The following ASXL3 variants were observed in gnomAD, a reference collection of about 807,000 sequenced individuals.
ASXL3 encodes the protein putative Polycomb group protein ASXL3.
In ASXL3, 34 loss-of-function variants were observed where a neutral mutation model predicts 170.6. That is an observed-to-expected ratio of 0.20 (90% CI 0.15 to 0.27). The LOEUF (loss-of-function observed/expected upper bound fraction) is 0.27. Among genes scored for constraint, ASXL3 ranks in the 10% least tolerant of loss-of-function variants. The pLI, the probability that ASXL3 is intolerant of heterozygous loss-of-function variation, is 1.00. For synonymous variants in ASXL3, 1,002 were observed against 989.1 expected (o/e 1.01, Z -0.24); for missense variants, 2,592 against 2,695.3 (o/e 0.96, Z 0.85).
At chr18:33,700,450 CA>C (rs11308315) in intron 8 of ASXL3, among the ~76,000 whole-genome samples, 11,564 of 151,742 alleles carry the variant, frequency 0.076, 1,054 homozygotes, top group African/African-American at 0.22. Context: ...ACCACAGGTT[CA>C]TTTTTTTTTT....
chr18:33,641,444 G>A (rs977177708), intron 2 of ASXL3, among the ~76,000 whole-genome samples: 2 of 152,072 alleles, frequency 1.3e-5, no homozygotes, highest in Non-Finnish European at 2.9e-5. Context: ...CCTGGCAGGT[G>A]TATAGGAAAG....
intron 7 of ASXL3, among the ~76,000 whole-genome samples, chr18:33,675,830 C>T (rs2066416197): frequency 6.6e-6 from 1 of 151,896 alleles, no homozygotes; most frequent in Admixed American, 6.6e-5. Context: ...GCTCAGCTTC[C>T]CTAGAGAGGG....
intron 2 of ASXL3, among the ~76,000 whole-genome samples, chr18:33,636,349 CACA>C (rs1271705372): frequency 9.8e-5 from 4 of 40,696 alleles, no homozygotes; most frequent in Non-Finnish European, 1.5e-4. Context: ...CAACAACAGC[CACA>C]ACAACAGCCA....
Position 33,706,752 on chromosome 18 carries a change from G to A in ASXL3, c.879+23184G>A, listed in dbSNP as rs116641349. ...AAGTCCTTTGTCAAATATATTGTTGGTATCTTCTTATGTTGTGGTTTGTCT... is the reference window on the plus strand; with the variant it reads ...AAGTCCTTTGTCAAATATATTGTTGATATCTTCTTATGTTGTGGTTTGTCT... On this transcript the variant is annotated intron_variant, in intron 8 of 11. Coordinates refer to ENST00000269197, the MANE Select transcript of ASXL3 (RefSeq NM_030632.3). Among the ~76,000 whole-genome samples, 345 of 151,584 alleles carry A rather than the reference G, an allele frequency of 2.3e-3. 3 individuals carry two copies. Among genetic ancestry groups the A allele is most frequent in the African/African-American group, 8.0e-3 (333 of 41,454 alleles).
intron 8 of ASXL3, among the ~76,000 whole-genome samples, chr18:33,686,507 C>G (rs917967060): frequency 6.6e-6 from 1 of 152,172 alleles, no homozygotes; most frequent in Non-Finnish European, 1.5e-5. Flanking sequence ...AGAGAGGATG[C>G]TTAAGTTGAA....
rs370020053 is a variant in ASXL3 at position 33,744,495 on chromosome 18, T to C, written c.4647T>C (p.Ser1549=). The change falls in exon 12 of 12, where the codon AGT becomes AGC. Residue 1549 remains serine, a synonymous_variant. Transcript: ENST00000269197. The part of the protein sequence containing the change: ...FIAASAAKQD[S]KTLPATCTSL... ...CTGCTTCGGCAGCAAAACAAGACAG[T>C]AAAACATTGCCGGCCACCTGCACAA... The C allele has an allele frequency of 4.3e-6, 7 of 1,612,682 alleles. No individual in the cohort carries two copies. The highest frequency in any genetic ancestry group is 2.7e-5 in the African/African-American group (2 of 74,912).
intron 5 of ASXL3, among the ~76,000 whole-genome samples, chr18:33,669,950 C>T (rs191599212): frequency 2.0e-5 from 3 of 152,252 alleles, no homozygotes; most frequent in Middle Eastern, 6.8e-3. Context: ...TTATCATCAC[C>T]GTGGTCGATT....
chr18:33,590,113 T>G (rs1004912668), intron 1 of ASXL3, among the ~76,000 whole-genome samples: 33 of 141,890 alleles, frequency 2.3e-4, no homozygotes, highest in African/African-American at 9.0e-4. Context: ...CTTTCTATGT[T>G]TTTTTTTTTT....
rs1401754045 is a variant in ASXL3, at chr18:33,661,636, G to A, written c.376G>A (p.Asp126Asn). ...TCTAGTTTGTTCGAAGCAGGTAACT[G>A]ATGAAGCATCTTCCACTCGAGATTC... is the stretch of plus-strand genomic sequence containing the variant. ...ENGVCSKQVTDEASSTRDSSL... is the reference protein window; with the variant it reads ...ENGVCSKQVTNEASSTRDSSL... Residue 126 changes from aspartate (D) to asparagine (N), a missense_variant, in exon 5 of 12, where the codon GAT becomes AAT. Coordinates refer to ENST00000269197, the MANE Select transcript of ASXL3 (RefSeq NM_030632.3). The A allele has an allele frequency of 9.3e-6, 15 of 1,611,502 alleles. No homozygotes were observed. The highest frequency in any genetic ancestry group is 1.3e-5 in the Non-Finnish European group (15 of 1,178,708).
At chr18:33,601,618 T>C (rs1328492543) in intron 1 of ASXL3, among the ~76,000 whole-genome samples, 1 of 151,682 alleles carries the variant, frequency 6.6e-6, no homozygotes, top group African/African-American at 2.4e-5. Flanking sequence ...AATTTGGAGA[T>C]ATAGATGTGA....
chr18:33,667,198 A>T (rs149895883), intron 5 of ASXL3, among the ~76,000 whole-genome samples: 1,751 of 152,286 alleles, frequency 0.011, 18 homozygotes, highest in Non-Finnish European at 0.018. Flanking sequence ...TGTCATGGCT[A>T]TGACAACACT....
At position 33,746,399 on chromosome 18, in the gene ASXL3, C is replaced by T; in HGVS notation, c.6551C>T (p.Pro2184Leu). ...GGGATTTTGGGAAGTGGCTCCAATCCTGCCACAGGCTTGTCTGGTCAGAAC... is the reference window on the plus strand; with the variant it reads ...GGGATTTTGGGAAGTGGCTCCAATCTTGCCACAGGCTTGTCTGGTCAGAAC... The part of the protein sequence containing the change: ...SIGILGSGSN[P>L]ATGLSGQNAQ... The change falls in exon 12 of 12, where the codon CCT becomes CTT. Residue 2184 changes from proline (P) to leucine (L), a missense_variant. Physicochemically the swap from Pro to Leu is moderately conservative, Grantham distance 98. Transcript: ENST00000269197. The T allele has an allele frequency of 6.2e-7, 1 of 1,613,868 alleles. No individual in the cohort carries two copies. The highest frequency in any genetic ancestry group is 1.7e-5 in the Admixed American group (1 of 60,030).
At chr18:33,682,938 T>C (rs1199884991) in intron 7 of ASXL3, among the ~76,000 whole-genome samples, 1 of 152,210 alleles carries the variant, frequency 6.6e-6, no homozygotes, top group Non-Finnish European at 1.5e-5. Context: ...CAGTGCTTAG[T>C]GCACTGCCTG....
chr18:33,606,371 AAAG>A (rs1662287792), intron 1 of ASXL3, among the ~76,000 whole-genome samples: 1 of 151,926 alleles, frequency 6.6e-6, no homozygotes, highest in South Asian at 2.1e-4. Flanking sequence ...GGATTGGGAA[AAAG>A]GAGGAAATTT....
chr18:33,585,067 A>G (rs1485136652), intron 1 of ASXL3, among the ~76,000 whole-genome samples: 1 of 151,980 alleles, frequency 6.6e-6, no homozygotes, highest in Non-Finnish European at 1.5e-5. Flanking sequence ...GATTGCCTAC[A>G]TATGTATTCT....
chr18:33,607,228 G>A (rs951285084), intron 1 of ASXL3, among the ~76,000 whole-genome samples: 3 of 151,876 alleles, frequency 2.0e-5, no homozygotes, highest in Non-Finnish European at 4.4e-5. Context: ...CAAGGACCTG[G>A]AATCTTAGGA....
chr18:33,658,423 C>G (rs141053731), intron 4 of ASXL3, among the ~76,000 whole-genome samples: 1 of 152,078 alleles, frequency 6.6e-6, no homozygotes, highest in Non-Finnish European at 1.5e-5. Flanking sequence ...GCTATTCTCA[C>G]GTCATACGCA....
chr18:33,727,939 A>G (rs1342016939), intron 8 of ASXL3, among the ~76,000 whole-genome samples: 1 of 152,154 alleles, frequency 6.6e-6, no homozygotes, highest in African/African-American at 2.4e-5. Context: ...ATTTTCCTCC[A>G]GGGCTAGCTT....
intron 4 of ASXL3, among the ~76,000 whole-genome samples, chr18:33,653,607 C>T (rs17635395): frequency 0.082 from 12,452 of 152,028 alleles, 580 homozygotes; most frequent in African/African-American, 0.1. Flanking sequence ...TTCTTTTATT[C>T]CAGCCCCCAG....
Sources: gnomAD v4.1 joint callset for allele counts (sites outside exome capture counted in the v4.1 genomes callset) on GRCh38, gnomAD v4.1.1 for gene constraint, MANE v1.5 for transcripts, NCBI Gene and HGNC (gene_info 2026-07-23, HGNC 2026-07-21) for gene names.